Variants in TSC1 observed in about 807,000 individuals in gnomAD.
The protein encoded by TSC1 is TSC complex subunit 1.
A neutral mutation model predicts 124.3 loss-of-function variants in TSC1; 20 were observed. That is an observed-to-expected ratio of 0.16 (90% CI 0.11 to 0.23). The LOEUF is 0.23. TSC1 is among the 10% of genes least tolerant of loss of function. The pLI is 1.00. For missense variants in TSC1, 1,124 were observed against 1,448.5 expected (o/e 0.78, Z 3.64); for synonymous variants, 493 against 539.1 (o/e 0.91, Z 1.19).
chr9:132,927,067 A>T (rs1358652859), intron 4 of TSC1, 134 bp downstream of exon 4: 1 of 845,746 alleles, frequency 1.2e-6, no homozygotes, highest in Admixed American at 2.0e-5. Flanking sequence ...TGTAGTTATA[A>T]ACTGGGAACA....
At chr9:132,913,897 T>G (rs868411651) in intron 8 of TSC1, among the ~76,000 whole-genome samples, 21,231 of 86,960 alleles carry the variant, frequency 0.24, 1,068 homozygotes, top group South Asian at 0.33. Flanking sequence ...TTTTGTTTTT[T>G]TTTTTTTTTT....
In TSC1 at chr9:132,903,005, T is replaced by C. The variant is rs1244903474; in HGVS notation, c.2209-218A>G. Among the ~76,000 whole-genome samples the C allele has an allele frequency of 6.6e-6, 1 of 152,210 alleles. No individual in the cohort carries two copies. Among genetic ancestry groups the C allele is most frequent in the Non-Finnish European group, 1.5e-5 (1 of 68,036 alleles). On this transcript the variant is annotated intron_variant, in intron 17 of 22. Transcript: ENST00000298552. This position sits in a 1 kb window ranked among gnomAD's most constrained non-coding sequence, Gnocchi z 5.9. ...ATGGATCTTAAGTTGCTTAAATAAA[T>C]CTTCTCAGGGATCAGTTTGCTTCCA...
chr9:132,924,184 C>A lies in TSC1; in HGVS notation c.364-692G>T, dbSNP rs181663926. On this transcript the variant is annotated intron_variant, in intron 5 of 22. Coordinates refer to ENST00000298552, the MANE Select transcript of TSC1 (RefSeq NM_000368.5). ...TACTCAATCAGCTCTGACTAGCTAG[C>A]TACAGCAGCTCACCTGACCCATAAT... Among the ~76,000 whole-genome samples, 870 of 152,228 alleles carry A rather than the reference C, an allele frequency of 5.7e-3. 11 individuals are homozygous for A. Among genetic ancestry groups the A allele is most frequent in the Middle Eastern group, 0.01 (3 of 292 alleles).
In TSC1 at chr9:132,895,350, T is replaced by A. The variant is rs1052638228; in HGVS notation, c.*885A>T. On this transcript the variant is annotated 3_prime_UTR_variant, in exon 23 of 23. Transcript: ENST00000298552. The stretch of plus-strand genomic sequence containing the variant: ...GGGTTTAACAAAAGGCCCAGCAAGC[T>A]GAGATGGCCTAAAGGTGCAGTTCCT... 1.4e-4 allele frequency: 32 copies of A among 233,332 alleles called. No individual in the cohort carries two copies. The highest frequency in any genetic ancestry group is 2.2e-4 in the Non-Finnish European group (26 of 118,034). 14.5% of individuals were successfully genotyped at this position (233,332 alleles called of 1,614,324 possible). A position where few individuals can be genotyped will look rare whatever the true frequency, so the allele number is the denominator to read the frequency against.
intron 20 of TSC1, among the ~76,000 whole-genome samples, chr9:132,898,690 G>A (rs1177929813): frequency 6.6e-6 from 1 of 152,178 alleles, no homozygotes; most frequent in Admixed American, 6.5e-5. Context: ...ATTGAACCAG[G>A]AACATCCGTG....
chr9:132,910,151 C>G, intron 12 of TSC1: 1 of 246,832 alleles, frequency 4.1e-6, no homozygotes, highest in East Asian at 8.4e-5. Flanking sequence ...AAAAAAAAAA[C>G]TTAGCCAGGC....
At position 132,925,594 on chromosome 9, in the gene TSC1, C is replaced by T. The variant is rs1554820265; in HGVS notation, c.356G>A (p.Cys119Tyr). ...TCCTTACAAACATCCTACCTTGAGACATTTTAGTAAAGAAGGCAAAAGAGG... is the reference window on the plus strand; with the variant it reads ...TCCTTACAAACATCCTACCTTGAGATATTTTAGTAAAGAAGGCAAAAGAGG... ...QAPLLPSLLK[C>Y]LKMDTDVVVL... Residue 119 changes from cysteine (C) to tyrosine (Y), a missense_variant, in exon 5 of 23, where the codon TGT (cysteine) becomes TAT (tyrosine). By Grantham distance (194) the Cys-to-Tyr change is radical. Around this residue, in one of 5 missense-constraint regions of TSC1, gnomAD observed 463 missense variants for 606.8 expected, o/e 0.76. Coordinates refer to ENST00000298552, the MANE Select transcript of TSC1 (RefSeq NM_000368.5). The T allele has an allele frequency of 6.2e-7, 1 of 1,614,204 alleles. No individual in the cohort carries two copies. Among genetic ancestry groups the T allele is most frequent in the Non-Finnish European group, 8.5e-7 (1 of 1,180,020 alleles).
At chr9:132,910,908 C>T (rs913539492) in intron 11 of TSC1, 94 bp downstream of exon 11, 46 of 1,355,176 alleles carry the variant, frequency 3.4e-5, no homozygotes, top group Non-Finnish European at 8.4e-6. Flanking sequence ...AAGTTTACAA[C>T]AGCAAGTGGT....
At chr9:132,927,973 T>C (rs1251703849) in intron 3 of TSC1, among the ~76,000 whole-genome samples, 1 of 152,180 alleles carries the variant, frequency 6.6e-6, no homozygotes. Flanking sequence ...AAGTTTAGAG[T>C]GTGTCTCTTC....
chr9:132,927,944 T>C (rs1846979057), intron 3 of TSC1, among the ~76,000 whole-genome samples: 1 of 152,220 alleles, frequency 6.6e-6, no homozygotes, highest in South Asian at 2.1e-4. Context: ...CAACCCACTC[T>C]TCACAGATAA....
At chr9:132,926,834 C>A in intron 4 of TSC1, 1 of 310,918 alleles carries the variant, frequency 3.2e-6, no homozygotes, top group Non-Finnish European at 6.2e-6. Context: ...ACCACCACGC[C>A]CAGCTAATTT....
intron 12 of TSC1, chr9:132,909,625 C>T (rs1334617980): frequency 3.3e-5 from 5 of 152,164 alleles, no homozygotes; most frequent in Admixed American, 3.3e-4. Flanking sequence ...AAGGCAGCTA[C>T]TTCACCTCTC....
chr9:132,941,762 A>T (rs1015435251), intron 1 of TSC1: 12 of 152,350 alleles, frequency 7.9e-5, no homozygotes, highest in Middle Eastern at 3.4e-3. Context: ...CAAAGTCACC[A>T]ATTTGCTTGG....
Position 132,893,172 on chromosome 9 carries a change from T to A in TSC1, c.*3063A>T, listed in dbSNP as rs886063586. On this transcript the variant is annotated 3_prime_UTR_variant, in exon 23 of 23. Coordinates refer to ENST00000298552, the MANE Select transcript of TSC1 (RefSeq NM_000368.5). ...TTAGTAAGAAGATTCCGCAGCTTAG[T>A]CCCAAAGGTCAGGCAGTTTTCTCTC... 2 of 233,322 alleles carry A rather than the reference T, an allele frequency of 8.6e-6. No individual in the cohort carries two copies. The highest frequency in any genetic ancestry group is 1.7e-5 in the Non-Finnish European group (2 of 118,064). The allele number at this position is 233,322 out of a possible 1,614,324, so 14.5% of individuals were successfully genotyped here.
chr9:132,910,796 A>G lies in TSC1; in HGVS notation c.1142-104T>C, dbSNP rs1007432000. On this transcript the variant is annotated intron_variant, in intron 11 of 22. Coordinates refer to ENST00000298552, the MANE Select transcript of TSC1 (RefSeq NM_000368.5). ...CTATTACTATAAATAAAGCTGCTAG[A>G]GTTAACTTTCTGGGGATCTAGATCA... 3 of 1,551,402 alleles carry G rather than the reference A, an allele frequency of 1.9e-6. No homozygotes were observed. In the African/African-American group the frequency reaches 4.1e-5, roughly 21 times the overall value.
intron 2 of TSC1, among the ~76,000 whole-genome samples, chr9:132,933,687 C>T (rs17487139): frequency 0.021 from 3,264 of 152,256 alleles, 56 homozygotes; most frequent in Non-Finnish European, 0.033. Flanking sequence ...ACCTAGCAGC[C>T]GGTAGTGCCC....
upstream of TSC1, chr9:132,944,681 C>T (rs1298827508): frequency 2.5e-6 from 1 of 398,892 alleles, no homozygotes; most frequent in Non-Finnish European, 4.4e-6. Flanking sequence ...AAGAGTCCCC[C>T]TCCGGACCTC....
intron 20 of TSC1, chr9:132,898,848 G>T (rs977584810): frequency 6.6e-6 from 1 of 152,312 alleles, no homozygotes; most frequent in African/African-American, 2.4e-5. Flanking sequence ...CAATGACTAG[G>T]CTAGGGATGG....
intron 19 of TSC1, 91 bp downstream of exon 19, chr9:132,901,498 A>C: frequency 8.4e-7 from 1 of 1,197,172 alleles, no homozygotes; most frequent in Non-Finnish European, 1.2e-6. Flanking sequence ...TGACACAGAC[A>C]CTCAAGTAAT....
Sources: allele counts gnomAD v4.1 joint callset (sites outside exome capture counted in the v4.1 genomes callset), GRCh38; gene constraint gnomAD v4.1.1; regional missense constraint gnomAD v4.1.1; non-coding constraint Gnocchi (gnomAD v3.1); transcripts MANE v1.5; gene names NCBI Gene and HGNC (gene_info 2026-07-23, HGNC 2026-07-21).